HTR4: variants seen among roughly 807,000 people sequenced by gnomAD.
HTR4 encodes the protein 5-hydroxytryptamine receptor 4, also known as 5-hydroxytryptamine (serotonin) receptor 4, G protein-coupled.
A neutral mutation model predicts 36.8 loss-of-function variants in HTR4; 16 were observed. The ratio of observed to expected loss-of-function variants is 0.43; its 90% confidence interval spans 0.29 to 0.66. The LOEUF is 0.66. HTR4 is among the 30% of genes least tolerant of loss of function. The pLI, the probability that HTR4 is intolerant of heterozygous loss-of-function variation, is 0.13. For synonymous variants in HTR4, 189 were observed against 185.1 expected, an observed-to-expected ratio of 1.02 and a Z score of -0.17; for missense variants, 438 against 490.9, an observed-to-expected ratio of 0.89 and a Z score of 1.02.
intron 2 of HTR4, among the ~76,000 whole-genome samples, chr5:148,589,828 A>C (rs902497675): frequency 6.6e-6 from 1 of 152,298 alleles, no homozygotes; most frequent in Admixed American, 6.5e-5. Flanking sequence ...ATGCCACCTC[A>C]CAAACATCAT....
intron 5 of HTR4, among the ~76,000 whole-genome samples, chr5:148,456,134 G>C (rs1189355499): frequency 6.6e-6 from 1 of 152,170 alleles, no homozygotes; most frequent in Non-Finnish European, 1.5e-5. Flanking sequence ...CAGGAGTCTA[G>C]CAGAGGACAG....
intron 5 of HTR4, among the ~76,000 whole-genome samples, chr5:148,511,087 C>T (rs1318064777): frequency 6.6e-6 from 1 of 152,210 alleles, no homozygotes; most frequent in East Asian, 1.9e-4. Flanking sequence ...TCAAGGCTAT[C>T]AATGACCTCT....
At chr5:148,471,373 A>T (rs1341051299) in intron 5 of HTR4, among the ~76,000 whole-genome samples, 2 of 152,166 alleles carry the variant, frequency 1.3e-5, no homozygotes, top group Non-Finnish European at 2.9e-5. Flanking sequence ...GAATTCAATC[A>T]TTCCCCAATA....
intron 6 of HTR4, among the ~76,000 whole-genome samples, chr5:148,487,305 G>T (rs925659494): frequency 4.6e-5 from 7 of 152,258 alleles, no homozygotes; most frequent in African/African-American, 1.4e-4. Flanking sequence ...CATTTATGTG[G>T]TGGGAAGTTT....
intron 2 of HTR4, among the ~76,000 whole-genome samples, chr5:148,576,125 A>AAAAAAAAAC (rs1561629245): frequency 9.1e-5 from 13 of 142,778 alleles, no homozygotes; most frequent in East Asian, 2.0e-4. Flanking sequence ...AAAAAAAAAA[A>AAAAAAAAAC]AAAAAAAACA....
chr5:148,523,293 A>C lies in HTR4; in HGVS notation c.407T>G (p.Leu136Arg). ...GCCTCCCAGCATTAATGCGATGCGCAGAGGGGTCATCTTGTTCCTATAGAC... is the reference window on the plus strand; with the variant it reads ...GCCTCCCAGCATTAATGCGATGCGCCGAGGGGTCATCTTGTTCCTATAGAC... ...PLVYRNKMTP[L>R]RIALMLGGCW... is the part of the protein sequence containing the mutation. The change falls in exon 5 of 7, where the codon CTG becomes CGG. Residue 136 changes from leucine to arginine, a missense_variant. Physicochemically the swap from Leu to Arg is moderately radical, Grantham distance 102. Transcript: ENST00000377888. 1 of 1,613,370 alleles carries C rather than the reference A, an allele frequency of 6.2e-7. No individual in the cohort carries two copies. Among genetic ancestry groups the C allele is most frequent in the Non-Finnish European group, 8.5e-7 (1 of 1,179,670 alleles).
At chr5:148,520,201 G>C (rs1237019591) in intron 5 of HTR4, among the ~76,000 whole-genome samples, 2 of 152,232 alleles carry the variant, frequency 1.3e-5, no homozygotes, top group East Asian at 3.9e-4. Context: ...GATTGTGCTA[G>C]CTTCTCTCTA....
chr5:148,492,012 G>C (rs1225401518), intron 6 of HTR4, among the ~76,000 whole-genome samples: 2 of 152,230 alleles, frequency 1.3e-5, no homozygotes, highest in Non-Finnish European at 2.9e-5. Flanking sequence ...AGCCAGGGTT[G>C]AAGGCCAGGG....
In HTR4 at chr5:148,577,187, T is replaced by C. The variant is rs190327854; in HGVS notation, c.27-26925A>G. On this transcript the variant is annotated intron_variant, in intron 2 of 6. Coordinates refer to ENST00000377888, the MANE Select transcript of HTR4 (RefSeq NM_000870.7). Reference sequence around the variant, plus strand: ...GCCATCCATTTTCCAAAAAAAGACATACATGTTGCCAACATGCATATGGAA... The same window carrying C: ...GCCATCCATTTTCCAAAAAAAGACACACATGTTGCCAACATGCATATGGAA... Among the ~76,000 whole-genome samples, 1,379 of 152,184 alleles carry C rather than the reference T, an allele frequency of 9.1e-3. 10 individuals are homozygous for C. Among genetic ancestry groups the C allele is most frequent in the Non-Finnish European group, 0.015 (1,014 of 67,992 alleles).
At chr5:148,618,220 G>A (rs1477776353) in intron 2 of HTR4, among the ~76,000 whole-genome samples, 1 of 152,144 alleles carries the variant, frequency 6.6e-6, no homozygotes, top group African/African-American at 2.4e-5. Flanking sequence ...GAAGCCTGAT[G>A]ACACAGTTCA....
At chr5:148,477,677 G>A (rs1296841176), downstream of HTR4, among the ~76,000 whole-genome samples, 1 of 152,138 alleles carries the variant, frequency 6.6e-6, no homozygotes, top group Non-Finnish European at 1.5e-5. Flanking sequence ...TTTCACCAAG[G>A]CTGACATGTA....
At position 148,482,067 on chromosome 5, in the gene HTR4, A is replaced by T; in HGVS notation, c.*1136T>A. The T allele has an allele frequency of 1.0e-6, 1 of 980,182 alleles. No individual in the cohort carries two copies. The highest frequency in any genetic ancestry group is 1.2e-6 in the Non-Finnish European group (1 of 824,784). The allele number at this position is 980,182 out of a possible 1,614,324, so 60.7% of individuals were successfully genotyped here. ...GGAAAGTGGGGTCCAGAGATGAAAG[A>T]ACACTATTCAAGATCTCACAGCTTG... On this transcript the variant is annotated 3_prime_UTR_variant, in exon 7 of 7. Coordinates refer to ENST00000377888, the MANE Select transcript of HTR4 (RefSeq NM_000870.7).
chr5:148,503,509 G>C (rs1246206128), intron 6 of HTR4, among the ~76,000 whole-genome samples: 1 of 152,112 alleles, frequency 6.6e-6, no homozygotes, highest in East Asian at 1.9e-4. Flanking sequence ...ACATGGAAAG[G>C]AACAATCAGT....
chr5:148,527,484 T>C (rs556605005), intron 4 of HTR4, among the ~76,000 whole-genome samples: 2 of 152,354 alleles, frequency 1.3e-5, no homozygotes, highest in Non-Finnish European at 2.9e-5. Flanking sequence ...CCAAATGTTC[T>C]ATGCTTTAAT....
At chr5:148,479,334 G>A (rs1755802714), downstream of HTR4, among the ~76,000 whole-genome samples, 1 of 152,004 alleles carries the variant, frequency 6.6e-6, no homozygotes, top group Non-Finnish European at 1.5e-5. Flanking sequence ...CATAGCTACT[G>A]GAGAATGCCC....
At chr5:148,478,063 G>C (rs1331320050), downstream of HTR4, among the ~76,000 whole-genome samples, 1 of 152,150 alleles carries the variant, frequency 6.6e-6, no homozygotes, top group Admixed American at 6.5e-5. Flanking sequence ...TCTAGTTTCT[G>C]ACAAGAGAGA....
intron 4 of HTR4, among the ~76,000 whole-genome samples, chr5:148,523,970 C>T (rs1302756243): frequency 3.3e-5 from 5 of 151,714 alleles, no homozygotes; most frequent in African/African-American, 9.7e-5. Context: ...CACCTGCCTA[C>T]ATGGAAGTGG....
chr5:148,507,455 A>C (rs1486722064), intron 6 of HTR4, among the ~76,000 whole-genome samples: 1 of 151,618 alleles, frequency 6.6e-6, no homozygotes, highest in African/African-American at 2.4e-5. Context: ...GCACACCAAC[A>C]TGGCACATGT....
chr5:148,600,967 A>G (rs1476658024), intron 2 of HTR4, among the ~76,000 whole-genome samples: 1 of 125,302 alleles, frequency 8.0e-6, no homozygotes, highest in Non-Finnish European at 1.6e-5. Flanking sequence ...AACTCCCACA[A>G]CTCAATAGCA....
Sources: allele counts gnomAD v4.1 joint callset (sites outside exome capture counted in the v4.1 genomes callset), GRCh38; gene constraint gnomAD v4.1.1; transcripts MANE v1.5; gene names NCBI Gene and HGNC (gene_info 2026-07-23, HGNC 2026-07-21).